Variants in LINGO2 observed in about 807,000 individuals in gnomAD.
The protein encoded by LINGO2 is leucine rich repeat and Ig domain containing 2.
A neutral mutation model predicts 30.6 loss-of-function variants in LINGO2; 14 were observed. The observed-to-expected ratio is 0.46, with a 90% confidence interval of 0.30 to 0.72. The LOEUF is 0.72. Ranked by LOEUF, LINGO2 falls within the 30% of genes least tolerant of loss-of-function variation. The pLI is 0.07. For missense variants in LINGO2, 729 were observed against 751.7 expected (o/e 0.97, Z 0.35); for synonymous variants, 317 against 288.5 (o/e 1.10, Z -1.00).
chr9:29,050,712 A>C, the LINGO2 span, among the ~76,000 whole-genome samples: 2 of 152,052 alleles, frequency 1.3e-5, no homozygotes, highest in Non-Finnish European at 2.9e-5. Context: ...TAGTGTATAC[A>C]TTTTTTTCTT....
chr9:28,543,328 C>A (rs1220623498), intron 1 of LINGO2, among the ~76,000 whole-genome samples: 1 of 152,028 alleles, frequency 6.6e-6, no homozygotes, highest in Non-Finnish European at 1.5e-5. Context: ...ATCTCTGGAA[C>A]CAAGAGAAAG....
At chr9:28,839,036 C>T in the LINGO2 span, among the ~76,000 whole-genome samples, 14 of 152,168 alleles carry the variant, frequency 9.2e-5, no homozygotes, top group South Asian at 4.1e-4. Flanking sequence ...AATGAGGTGG[C>T]GCCTGGAAAC....
At chr9:28,622,674 C>G (rs1009866501) in intron 1 of LINGO2, among the ~76,000 whole-genome samples, 4 of 151,750 alleles carry the variant, frequency 2.6e-5, no homozygotes, top group African/African-American at 4.8e-5. Context: ...GCAGACATCT[C>G]TTAGATATAC....
intron 4 of LINGO2, among the ~76,000 whole-genome samples, chr9:28,285,298 G>A (rs1314244040): frequency 6.6e-6 from 1 of 150,850 alleles, no homozygotes; most frequent in East Asian, 2.0e-4. Context: ...TTATATCAAT[G>A]ATCTCATTTA....
At chr9:28,419,913 A>G (rs1823122093) in intron 2 of LINGO2, among the ~76,000 whole-genome samples, 1 of 152,100 alleles carries the variant, frequency 6.6e-6, no homozygotes. Context: ...AGGTTGGCAA[A>G]TTATAATTTT....
chr9:28,791,124 T>C, the LINGO2 span, among the ~76,000 whole-genome samples: 7 of 152,248 alleles, frequency 4.6e-5, no homozygotes, highest in African/African-American at 1.7e-4. Flanking sequence ...CCTTCCTTTC[T>C]CACCACCAAT....
chr9:29,091,789 T>C, the LINGO2 span, among the ~76,000 whole-genome samples: 1 of 152,192 alleles, frequency 6.6e-6, no homozygotes, highest in Admixed American at 6.5e-5. Context: ...ATGAGTTAAG[T>C]AACCACTTAG....
intron 1 of LINGO2, among the ~76,000 whole-genome samples, chr9:28,495,716 G>T (rs1019421240): frequency 2.0e-4 from 31 of 152,046 alleles, no homozygotes; most frequent in African/African-American, 7.5e-4. Context: ...GAATGTGTTT[G>T]CTCTTGCTTC....
chr9:28,663,462 C>A (rs966385243), intron 1 of LINGO2, among the ~76,000 whole-genome samples: 33 of 152,120 alleles, frequency 2.2e-4, no homozygotes, highest in African/African-American at 7.0e-4. Flanking sequence ...TGAGCCACCG[C>A]ATCCGGCCTG....
chr9:28,848,067 A>AC, the LINGO2 span, among the ~76,000 whole-genome samples: 1 of 30,778 alleles, frequency 3.2e-5, no homozygotes, highest in Non-Finnish European at 5.9e-5. Flanking sequence ...ATATATGTAT[A>AC]TAATATATAT....
At chr9:28,827,916 A>T in the LINGO2 span, among the ~76,000 whole-genome samples, 1 of 152,140 alleles carries the variant, frequency 6.6e-6, no homozygotes, top group Non-Finnish European at 1.5e-5. Flanking sequence ...TAGCAGAAGC[A>T]GTATTTGTAA....
the LINGO2 span, among the ~76,000 whole-genome samples, chr9:28,875,890 T>A: frequency 0.37 from 56,421 of 152,002 alleles, 12,494 homozygotes; most frequent in Middle Eastern, 0.51. Context: ...ACATTTATGT[T>A]TTCATTTCAT....
At chr9:28,307,703 C>T (rs1228014024) in intron 3 of LINGO2, among the ~76,000 whole-genome samples, 1 of 152,164 alleles carries the variant, frequency 6.6e-6, no homozygotes, top group Non-Finnish European at 1.5e-5. Context: ...CCCAAAATCT[C>T]CTTAAGCTGA....
chr9:28,518,811 AT>A (rs1820724674), intron 1 of LINGO2, among the ~76,000 whole-genome samples: 1 of 152,194 alleles, frequency 6.6e-6, no homozygotes, highest in Non-Finnish European at 1.5e-5. Context: ...AAAACATTAA[AT>A]TTGTATGCTT....
chr9:28,249,980 C>T (rs1040296386), intron 4 of LINGO2, among the ~76,000 whole-genome samples: 2 of 151,992 alleles, frequency 1.3e-5, no homozygotes, highest in Non-Finnish European at 2.9e-5. Flanking sequence ...GTTTGGGTAC[C>T]ACAATTATTA....
intron 5 of LINGO2, among the ~76,000 whole-genome samples, chr9:27,954,707 A>T (rs993423334): frequency 1.3e-5 from 2 of 152,136 alleles, no homozygotes; most frequent in Admixed American, 1.3e-4. Flanking sequence ...TTTCATGCTG[A>T]TGATAAAGAC....
chr9:29,193,716 T>A, the LINGO2 span, among the ~76,000 whole-genome samples: 2 of 152,188 alleles, frequency 1.3e-5, no homozygotes, highest in East Asian at 3.9e-4. Flanking sequence ...CCCCTGTCAC[T>A]CACTGTGTTG....
At chr9:28,842,471 A>G in the LINGO2 span, among the ~76,000 whole-genome samples, 1 of 151,892 alleles carries the variant, frequency 6.6e-6, no homozygotes, top group South Asian at 2.1e-4. Context: ...TTGGAAATGA[A>G]TGGAGATTGT....
intron 1 of LINGO2, among the ~76,000 whole-genome samples, chr9:28,627,781 A>C (rs1300080717): frequency 6.6e-6 from 1 of 152,058 alleles, no homozygotes; most frequent in African/African-American, 2.4e-5. Context: ...TGTAATTAAA[A>C]ATATGCACAT....
Sources: allele counts gnomAD v4.1 joint callset (sites outside exome capture counted in the v4.1 genomes callset), GRCh38; gene constraint gnomAD v4.1.1; transcripts MANE v1.5; gene names NCBI Gene and HGNC (gene_info 2026-07-23, HGNC 2026-07-21).